ZMYND8: variants seen among roughly 807,000 people sequenced by gnomAD.
ZMYND8 encodes zinc finger MYND-type containing 8.
In ZMYND8, 37 loss-of-function variants were observed where a neutral mutation model predicts 140.8. The observed-to-expected ratio is 0.26, with a 90% CI of 0.20 to 0.35. The LOEUF is 0.35. Among genes scored for constraint, ZMYND8 ranks in the 10% least tolerant of loss-of-function variants. The probability of loss-of-function intolerance (pLI) is 1.00; values close to 1 mark genes in which losing one functional copy is unlikely to be tolerated. For missense variants in ZMYND8, 1,068 were observed against 1,570.0 expected (o/e 0.68, Z 5.40); for synonymous variants, 592 against 597.1 (o/e 0.99, Z 0.12).
At chr20:47,230,413 C>A (rs928543109) in intron 16 of ZMYND8, among the ~76,000 whole-genome samples, 2 of 151,986 alleles carry the variant, frequency 1.3e-5, no homozygotes, top group African/African-American at 4.8e-5. Flanking sequence ...GCCTCAGCCT[C>A]CCAAGTAGTT....
At chr20:47,221,833 T>C (rs2037002276) in intron 19 of ZMYND8, among the ~76,000 whole-genome samples, 1 of 152,138 alleles carries the variant, frequency 6.6e-6, no homozygotes, top group Admixed American at 6.5e-5. Flanking sequence ...GTCCGACTAA[T>C]TTTTTGTATT....
At chr20:47,233,633 T>G (rs151019635) in intron 16 of ZMYND8, among the ~76,000 whole-genome samples, 2 of 152,360 alleles carry the variant, frequency 1.3e-5, no homozygotes, top group African/African-American at 4.8e-5. Flanking sequence ...GTGCACACTC[T>G]CTAGGGCCTG....
intron 11 of ZMYND8, among the ~76,000 whole-genome samples, chr20:47,265,863 G>A (rs931305122): frequency 3.3e-5 from 5 of 152,156 alleles, no homozygotes; most frequent in African/African-American, 1.2e-4. Flanking sequence ...GATTTAAGAG[G>A]TATGTTCTAA....
At chr20:47,324,902 A>ATTATTTT (rs371346723) in intron 2 of ZMYND8, among the ~76,000 whole-genome samples, 4 of 151,980 alleles carry the variant, frequency 2.6e-5, no homozygotes, top group Non-Finnish European at 1.5e-5. Flanking sequence ...ATAGGTGAAA[A>ATTATTTT]TTATTTTTTA....
rs575015447 is a variant in ZMYND8, at chr20:47,340,426, C to T, written c.85+7430G>A. 2.6e-5 allele frequency among the ~76,000 whole-genome samples: 4 copies of T among 151,718 alleles called. No individual in the cohort carries two copies. The South Asian group carries it at 8.4e-4, about 32-fold the overall frequency. On this transcript the variant is annotated intron_variant, in intron 2 of 22. Transcript: ENST00000471951. ...CCCAGGAGTTAGAGGCTATAGTGTACTATGATGGCAACTGTGAATAACCAC... is the reference window on the plus strand; with the variant it reads ...CCCAGGAGTTAGAGGCTATAGTGTATTATGATGGCAACTGTGAATAACCAC...
intron 11 of ZMYND8, among the ~76,000 whole-genome samples, chr20:47,273,684 G>A (rs2076093004): frequency 6.6e-6 from 1 of 152,212 alleles, no homozygotes; most frequent in South Asian, 2.1e-4. Flanking sequence ...CCAGGCTGGA[G>A]TGCAGTGGCA....
At position 47,236,376 on chromosome 20, in the gene ZMYND8, C is replaced by T. The variant is rs145087864; in HGVS notation, c.2806G>A (p.Ala936Thr). 60 of 1,614,164 alleles carry T rather than the reference C, an allele frequency of 3.7e-5. No individual in the cohort carries two copies. In the African/African-American group the frequency reaches 5.5e-4, roughly 15 times the overall value. The change falls in exon 16 of 23, where the codon GCC (alanine) becomes ACC (threonine). Residue 936 changes from alanine to threonine, a missense_variant. This residue lies in a region of ZMYND8 where 383 missense variants were observed against 431.2 expected (regional missense o/e 0.89). Coordinates refer to ENST00000471951, the MANE Select transcript of ZMYND8 (RefSeq NM_001281775.3). ...GCGGCGACATCAGCTGAGGCAGTGG[C>T]GATGGGCAGGTCAGCGTTGACTGAG... is the stretch of plus-strand genomic sequence containing the variant. The part of the protein sequence containing the change: ...VSSVNADLPI[A>T]TASADVAADI...
At chr20:47,246,540 G>T in intron 13 of ZMYND8, 23 bp from the exon 14 acceptor site, 1 of 1,547,262 alleles carries the variant, frequency 6.5e-7, no homozygotes. Flanking sequence ...AGAAAACCCA[G>T]CATGTGGCGT....
intron 2 of ZMYND8, among the ~76,000 whole-genome samples, chr20:47,317,610 A>C (rs751468767): frequency 2.6e-5 from 4 of 152,228 alleles, no homozygotes; most frequent in Non-Finnish European, 5.9e-5. Context: ...CGAAAAGAGA[A>C]GCTTGGTCCA....
Position 47,238,747 on chromosome 20 carries a change from A to G in ZMYND8, c.2665+11T>C, listed in dbSNP as rs777190805. 13 of 1,603,534 alleles carry G rather than the reference A, an allele frequency of 8.1e-6. No homozygotes were observed. The highest frequency in any genetic ancestry group is 1.0e-5 in the Non-Finnish European group (12 of 1,176,024). On this transcript the variant is annotated intron_variant, in intron 15 of 22. Coordinates refer to ENST00000471951, the MANE Select transcript of ZMYND8 (RefSeq NM_001281775.3). ...CGGGCGCCACGGAGAACAGAAGGGGAGGCTCGGTACCTTTCACAGCCTGTC... is the reference window on the plus strand; with the variant it reads ...CGGGCGCCACGGAGAACAGAAGGGGGGGCTCGGTACCTTTCACAGCCTGTC...
intron 8 of ZMYND8, among the ~76,000 whole-genome samples, chr20:47,286,145 A>G (rs192010239): frequency 1.8e-3 from 274 of 152,054 alleles, no homozygotes; most frequent in Middle Eastern, 0.014. Flanking sequence ...AGATAACTAT[A>G]TCTATATATA....
chr20:47,271,760 C>T (rs1425951299), intron 11 of ZMYND8, among the ~76,000 whole-genome samples: 3 of 152,158 alleles, frequency 2.0e-5, no homozygotes, highest in African/African-American at 7.2e-5. Context: ...AAGCTCACTG[C>T]AACCTCCACC....
intron 12 of ZMYND8, among the ~76,000 whole-genome samples, chr20:47,257,609 CAT>C (rs1458115910): frequency 3.3e-5 from 5 of 152,068 alleles, no homozygotes; most frequent in South Asian, 2.1e-4. Context: ...CAAATATACC[CAT>C]ATACCATATA....
intron 21 of ZMYND8, among the ~76,000 whole-genome samples, chr20:47,216,740 G>C (rs911214136): frequency 3.9e-5 from 6 of 151,996 alleles, no homozygotes; most frequent in Non-Finnish European, 8.8e-5. Context: ...CCAGGAGGCA[G>C]AGGTTGCAGT....
intron 1 of ZMYND8, among the ~76,000 whole-genome samples, chr20:47,351,517 T>A (rs1212696368): frequency 1.3e-5 from 2 of 152,206 alleles, no homozygotes; most frequent in Non-Finnish European, 2.9e-5. Context: ...GTTTTTACTT[T>A]TCATTCAAAA....
chr20:47,213,958 T>TA, intron 21 of ZMYND8, among the ~76,000 whole-genome samples: 1 of 152,198 alleles, frequency 6.6e-6, no homozygotes, highest in East Asian at 1.9e-4. Flanking sequence ...TCTGCAACTC[T>TA]ATGCATATAG....
chr20:47,246,301 A>C lies in ZMYND8; in HGVS notation c.1991T>G (p.Ile664Ser). The change falls in exon 14 of 23, where the codon ATT becomes AGT. Residue 664 changes from isoleucine to serine, a missense_variant. By Grantham distance (142) the Ile-to-Ser change is moderately radical. Around this residue, in one of 10 missense-constraint regions of ZMYND8, gnomAD observed 383 missense variants for 431.2 expected, o/e 0.89. Coordinates refer to ENST00000471951, the MANE Select transcript of ZMYND8 (RefSeq NM_001281775.3). ...KKPKPTNPVE[I>S]KEELKSTSPA... ...TGACGTGCTTTTCAGCTCCTCTTTA[A>C]TCTCCACTGGGTTTGTAGGCTTGGG... is the stretch of plus-strand genomic sequence containing the variant. The C allele has an allele frequency of 6.2e-7, 1 of 1,613,620 alleles. No homozygotes were observed. The highest frequency in any genetic ancestry group is 8.5e-7 in the Non-Finnish European group (1 of 1,179,912).
intron 7 of ZMYND8, among the ~76,000 whole-genome samples, chr20:47,288,828 G>A (rs964895753): frequency 1.3e-5 from 2 of 152,188 alleles, no homozygotes; most frequent in African/African-American, 2.4e-5. Flanking sequence ...ACAGGCTGGC[G>A]TGGTCTCTAA....
intron 1 of ZMYND8, among the ~76,000 whole-genome samples, chr20:47,351,381 C>G (rs772471743): frequency 1.3e-5 from 2 of 152,108 alleles, no homozygotes; most frequent in Non-Finnish European, 2.9e-5. Context: ...TACTATTTGA[C>G]TTTTAAAGAA....
Sources: allele counts gnomAD v4.1 joint callset (sites outside exome capture counted in the v4.1 genomes callset), GRCh38; gene constraint gnomAD v4.1.1; regional missense constraint gnomAD v4.1.1; transcripts MANE v1.5; gene names NCBI Gene and HGNC (gene_info 2026-07-23, HGNC 2026-07-21).